Variants in PTPRN2 observed in about 807,000 individuals in gnomAD.
The protein encoded by PTPRN2 is protein tyrosine phosphatase receptor type N2.
PTPRN2 carries 74 observed loss-of-function variants against 118.8 expected under a neutral mutation model. The observed-to-expected ratio is 0.62, with a 90% CI of 0.52 to 0.76. PTPRN2 has a LOEUF of 0.76. Ranked by LOEUF, PTPRN2 falls within the 30% of genes least tolerant of loss-of-function variation. The pLI is 0.00. For missense variants in PTPRN2, 1,481 were observed against 1,394.4 expected (o/e 1.06, Z -0.99); for synonymous variants, 641 against 608.0 (o/e 1.05, Z -0.80).
rs866862815 is a variant in PTPRN2, at chr7:158,142,902, A to G, written c.911-4387T>C. Among the ~76,000 whole-genome samples, 8 of 152,262 alleles carry G rather than the reference A, an allele frequency of 5.3e-5. 1 individual carries two copies. The highest frequency in any genetic ancestry group is 1.9e-4 in the African/African-American group (8 of 41,542). ...CACGTTGTTTCACAGAGAAGATAAA[A>G]GATGTGCTCCGGAATTAAAGGTGCG... On this transcript the variant is annotated intron_variant, in intron 6 of 22. Coordinates refer to ENST00000389418, the MANE Select transcript of PTPRN2 (RefSeq NM_002847.5).
At chr7:158,125,634 T>C (rs1247349345) in intron 9 of PTPRN2, among the ~76,000 whole-genome samples, 1 of 152,192 alleles carries the variant, frequency 6.6e-6, no homozygotes, top group Non-Finnish European at 1.5e-5. Flanking sequence ...GATATTCTTT[T>C]AAGACCACAA....
At chr7:158,194,103 G>C (rs188066737) in intron 4 of PTPRN2, among the ~76,000 whole-genome samples, 121 of 151,586 alleles carry the variant, frequency 8.0e-4, no homozygotes, top group Non-Finnish European at 1.5e-3. Flanking sequence ...AACAAAAAAA[G>C]TGTGTGCACG....
intron 12 of PTPRN2, among the ~76,000 whole-genome samples, chr7:157,833,508 C>CGGG (rs1563154101): frequency 0.047 from 6,522 of 139,598 alleles, 431 homozygotes; most frequent in East Asian, 0.17. Context: ...GCGACGTGGC[C>CGGG]GGCGCCCATC....
chr7:157,595,591 GGTGTTTAGGAAGCCC>G (rs1801274586), intron 16 of PTPRN2, among the ~76,000 whole-genome samples: 1 of 108,400 alleles, frequency 9.2e-6, no homozygotes, highest in Admixed American at 9.2e-5. Flanking sequence ...TAGGAAGCCT[GGTGTTTAGGAAGCCC>G]GGAGGTTAGG....
intron 2 of PTPRN2, among the ~76,000 whole-genome samples, chr7:158,351,120 A>T (rs1347808234): frequency 6.6e-6 from 1 of 152,180 alleles, no homozygotes; most frequent in Non-Finnish European, 1.5e-5. Context: ...TCAAACTGTT[A>T]TGCGGGAGGC....
chr7:158,400,970 C>T (rs1297519063), intron 2 of PTPRN2, among the ~76,000 whole-genome samples: 2 of 152,022 alleles, frequency 1.3e-5, no homozygotes, highest in African/African-American at 4.8e-5. Flanking sequence ...AGACAGCAAA[C>T]CCAGAGCTTC....
chr7:157,896,837 C>G (rs754382275), intron 12 of PTPRN2, among the ~76,000 whole-genome samples: 3 of 152,124 alleles, frequency 2.0e-5, no homozygotes, highest in Non-Finnish European at 2.9e-5. Flanking sequence ...CTGGAGTGGC[C>G]GGAGTCCAGG....
In PTPRN2 at chr7:157,779,669, C is replaced by T. The variant is rs1018047073; in HGVS notation, c.1789-96732G>A. On this transcript the variant is annotated intron_variant, in intron 12 of 22. Transcript: ENST00000389418. The surrounding 1 kb of genome is among the most constrained non-coding windows in gnomAD (Gnocchi z 4.7). ...GGCTGACCCTAGACTCTGGCCAGGACGAGCTGGGGTGAGGGGCCCCGGCCA... is the reference window on the plus strand; with the variant it reads ...GGCTGACCCTAGACTCTGGCCAGGATGAGCTGGGGTGAGGGGCCCCGGCCA... Among the ~76,000 whole-genome samples, 2 of 152,176 alleles carry T rather than the reference C, an allele frequency of 1.3e-5. No homozygotes were observed. The highest frequency in any genetic ancestry group is 2.9e-5 in the Non-Finnish European group (2 of 68,024).
At chr7:158,410,699 C>T (rs1294699083) in intron 2 of PTPRN2, among the ~76,000 whole-genome samples, 1 of 152,230 alleles carries the variant, frequency 6.6e-6, no homozygotes, top group East Asian at 1.9e-4. Flanking sequence ...ACAGGGTCCT[C>T]GCAGACCTCA....
Position 157,585,798 on chromosome 7 carries a change from A to G in PTPRN2, c.2497-7658T>C, listed in dbSNP as rs1458584752. ...GGAGCTGGCCGGAGGCTGGGAACCAATCACACACAGGAGCAGCAGAGCCTG... is the reference window on the plus strand; with the variant it reads ...GGAGCTGGCCGGAGGCTGGGAACCAGTCACACACAGGAGCAGCAGAGCCTG... On this transcript the variant is annotated intron_variant, in intron 17 of 22. Transcript: ENST00000389418. The surrounding 1 kb of genome is among the most constrained non-coding windows in gnomAD (Gnocchi z 5.2). Among the ~76,000 whole-genome samples the G allele has an allele frequency of 6.6e-6, 1 of 152,202 alleles. No individual in the cohort carries two copies. Among genetic ancestry groups the G allele is most frequent in the Non-Finnish European group, 1.5e-5 (1 of 68,022 alleles).
intron 11 of PTPRN2, among the ~76,000 whole-genome samples, chr7:158,033,489 T>C (rs555165628): frequency 6.6e-6 from 1 of 152,170 alleles, no homozygotes; most frequent in East Asian, 1.9e-4. Flanking sequence ...GCAAATGAGG[T>C]GACAGGACGG....
At chr7:158,041,238 C>T (rs1808442182) in intron 11 of PTPRN2, among the ~76,000 whole-genome samples, 1 of 152,200 alleles carries the variant, frequency 6.6e-6, no homozygotes, top group Non-Finnish European at 1.5e-5. Flanking sequence ...AAGAGATCTA[C>T]TAGTTATAAA....
At chr7:157,696,325 G>A (rs769070870) in intron 12 of PTPRN2, among the ~76,000 whole-genome samples, 6 of 101,662 alleles carry the variant, frequency 5.9e-5, no homozygotes, top group Admixed American at 1.0e-4. Flanking sequence ...TGCATACTGG[G>A]TCTTAGTAGA....
At chr7:158,540,197 C>T (rs1207460884) in intron 1 of PTPRN2, among the ~76,000 whole-genome samples, 1 of 152,228 alleles carries the variant, frequency 6.6e-6, no homozygotes, top group African/African-American at 2.4e-5. Context: ...TGCATTTCCT[C>T]ATGGTTCTTG....
chr7:158,240,220 C>T (rs535507288), intron 3 of PTPRN2, among the ~76,000 whole-genome samples: 1 of 150,862 alleles, frequency 6.6e-6, no homozygotes, highest in East Asian at 2.0e-4. Flanking sequence ...CTCCTATTAA[C>T]AGGTCTCAGT....
At chr7:158,333,814 G>A (rs867768583) in intron 2 of PTPRN2, among the ~76,000 whole-genome samples, 181 of 135,640 alleles carry the variant, frequency 1.3e-3, no homozygotes, top group African/African-American at 5.1e-3. Context: ...GAGGCCCACA[G>A]AGGTCACTCA....
In PTPRN2 at chr7:157,981,984, A is replaced by C. The variant is rs1204277257; in HGVS notation, c.1724-83247T>G. ...GAATGCAGAGTGCAGGGTACCGCCC[A>C]GAACCCCTGAGTCATAGAGACAAGG... On this transcript the variant is annotated intron_variant, in intron 11 of 22. Transcript: ENST00000389418. Among the ~76,000 whole-genome samples, 179 of 148,172 alleles carry C rather than the reference A, an allele frequency of 1.2e-3. 2 individuals are homozygous for C. The highest frequency in any genetic ancestry group is 3.4e-3 in the Middle Eastern group (1 of 292).
At chr7:157,641,089 G>C (rs1490017421) in intron 14 of PTPRN2, among the ~76,000 whole-genome samples, 3 of 152,218 alleles carry the variant, frequency 2.0e-5, no homozygotes, top group Non-Finnish European at 2.9e-5. Context: ...GAACAATACT[G>C]TATGTGTCAG....
Position 157,576,758 on chromosome 7 carries a change from T to A in PTPRN2, c.2638A>T (p.Ile880Phe). 1 of 1,606,394 alleles carries A rather than the reference T, an allele frequency of 6.2e-7. No individual in the cohort carries two copies. The highest frequency in any genetic ancestry group is 1.3e-5 in the African/African-American group (1 of 74,878). Reference protein sequence around the residue: ...IYEVNLVSEHIWCEDFLVRSF... With the variant: ...IYEVNLVSEHFWCEDFLVRSF... Reference sequence around the variant, plus strand: ...CTCACCAGGAAGTCCTCACACCAGATGTGCTCGGAGACCAGGTTCACCTGG... The same window carrying A: ...CTCACCAGGAAGTCCTCACACCAGAAGTGCTCGGAGACCAGGTTCACCTGG... The change falls in exon 19 of 23, where the codon ATC (isoleucine) becomes TTC (phenylalanine). Residue 880 changes from isoleucine (I) to phenylalanine (F), a missense_variant. Ile to Phe is a conservative substitution (Grantham distance 21). Around this residue, in one of 3 missense-constraint regions of PTPRN2, gnomAD observed 362 missense variants for 384.1 expected, o/e 0.94. Transcript: ENST00000389418.
Sources: gnomAD v4.1 joint callset for allele counts (sites outside exome capture counted in the v4.1 genomes callset) on GRCh38, gnomAD v4.1.1 for gene constraint, gnomAD v4.1.1 regional missense constraint, Gnocchi (gnomAD v3.1) non-coding constraint, MANE v1.5 for transcripts, NCBI Gene and HGNC (gene_info 2026-07-23, HGNC 2026-07-21) for gene names.